The following DDX6 variants were observed in gnomAD, a reference collection of about 807,000 sequenced individuals.
DDX6 encodes DEAD-box helicase 6.
In DDX6, 7 loss-of-function variants were observed where a neutral mutation model predicts 60.6. That is an observed-to-expected ratio of 0.12 (90% CI 0.07 to 0.22). The LOEUF (loss-of-function observed/expected upper bound fraction) is 0.22, where lower values mean the gene tolerates loss of function less well. DDX6 is among the 10% of genes least tolerant of loss of function. The pLI, the probability that DDX6 is intolerant of heterozygous loss-of-function variation, is 1.00. For synonymous variants in DDX6, 207 were observed against 201.0 expected, an observed-to-expected ratio of 1.03 and a Z score of -0.25; for missense variants, 270 against 589.9, an observed-to-expected ratio of 0.46 and a Z score of 5.62.
intron 13 of DDX6, among the ~76,000 whole-genome samples, chr11:118,752,510 TG>T (rs1227757030): frequency 1.3e-5 from 2 of 152,152 alleles, no homozygotes; most frequent in Admixed American, 6.6e-5. Context: ...AGGTGGCTCC[TG>T]CCAGTAATCT....
At chr11:118,774,385 T>C (rs529790954) in intron 4 of DDX6, among the ~76,000 whole-genome samples, 2 of 152,054 alleles carry the variant, frequency 1.3e-5, no homozygotes, top group African/African-American at 4.8e-5. Flanking sequence ...GAGCAATCTG[T>C]AGTATATCTG....
At chr11:118,770,727 T>G (rs943394148) in intron 4 of DDX6, among the ~76,000 whole-genome samples, 26 of 151,794 alleles carry the variant, frequency 1.7e-4, no homozygotes, top group Non-Finnish European at 2.9e-4. Flanking sequence ...CCATCTCTGT[T>G]AAAAATACAA....
chr11:118,765,157 T>A, intron 6 of DDX6, 52 bp downstream of exon 6: 1 of 1,583,074 alleles, frequency 6.3e-7, no homozygotes, highest in Non-Finnish European at 8.6e-7. Context: ...ACTGAAATAC[T>A]TGTGACTAAA....
At chr11:118,773,982 G>C (rs1048954735) in intron 4 of DDX6, among the ~76,000 whole-genome samples, 3 of 152,068 alleles carry the variant, frequency 2.0e-5, no homozygotes, top group Non-Finnish European at 4.4e-5. Context: ...GATTCAGAAT[G>C]CTATAATTCC....
intron 1 of DDX6, 171 bp from the exon 2 acceptor site, chr11:118,786,689 C>T (rs1862085491): frequency 5.9e-6 from 1 of 168,360 alleles, no homozygotes; most frequent in Admixed American, 6.4e-5. Context: ...TTTGAACTAT[C>T]TCAAAAACAC....
At chr11:118,755,367 ACTT>A (rs1555158492) in intron 12 of DDX6, 32 bp downstream of exon 12, 1 of 1,350,930 alleles carries the variant, frequency 7.4e-7, no homozygotes, top group Admixed American at 1.7e-5. Context: ...TCAAAAAAGA[ACTT>A]CTACCAAGAA....
At chr11:118,777,084 C>G (rs1421297591) in intron 4 of DDX6, among the ~76,000 whole-genome samples, 1 of 152,062 alleles carries the variant, frequency 6.6e-6, no homozygotes, top group African/African-American at 2.4e-5. Context: ...CTAATGACTA[C>G]ATACATACGC....
intron 2 of DDX6, among the ~76,000 whole-genome samples, chr11:118,785,608 G>A (rs1205435490): frequency 6.6e-6 from 1 of 151,822 alleles, no homozygotes; most frequent in Non-Finnish European, 1.5e-5. Context: ...AGAAGGCTGG[G>A]CAAGTCTTTA....
At chr11:118,773,856 C>CAAA (rs1216921577) in intron 4 of DDX6, among the ~76,000 whole-genome samples, 1 of 146,836 alleles carries the variant, frequency 6.8e-6, no homozygotes, top group East Asian at 2.0e-4. Context: ...CAAAACAAAA[C>CAAA]ACACACCAAA....
chr11:118,782,422 A>T (rs1861929337), intron 2 of DDX6, among the ~76,000 whole-genome samples: 2 of 152,276 alleles, frequency 1.3e-5, no homozygotes, highest in African/African-American at 2.4e-5. Flanking sequence ...AAAAAAAAAA[A>T]AAGATCAGGG....
At chr11:118,757,130 AT>A in intron 10 of DDX6, 40 bp downstream of exon 10, 1 of 1,005,818 alleles carries the variant, frequency 9.9e-7, no homozygotes. Flanking sequence ...AAAGAAAGAG[AT>A]TTCTTATTAA....
chr11:118,769,985 G>A (rs1193230630), intron 4 of DDX6, among the ~76,000 whole-genome samples: 1 of 152,076 alleles, frequency 6.6e-6, no homozygotes, highest in Non-Finnish European at 1.5e-5. Flanking sequence ...TGGGATTACA[G>A]GCGTGAGCCA....
intron 9 of DDX6, among the ~76,000 whole-genome samples, chr11:118,757,934 T>C (rs1861034349): frequency 1.3e-5 from 2 of 152,102 alleles, no homozygotes; most frequent in Non-Finnish European, 2.9e-5. Context: ...GCCACCAGCA[T>C]TGGGCAGCAC....
chr11:118,772,178 T>C (rs1565571842), intron 4 of DDX6, among the ~76,000 whole-genome samples: 1 of 152,202 alleles, frequency 6.6e-6, no homozygotes, highest in Non-Finnish European at 1.5e-5. Context: ...GTTGAGATCA[T>C]TAAATCCCCT....
chr11:118,768,415 GAAATACACTGAAGGAT>G, intron 4 of DDX6, 63 bp from the exon 5 acceptor site: 1 of 1,550,932 alleles, frequency 6.4e-7, no homozygotes, highest in South Asian at 1.1e-5. Context: ...ATTCCTCTCT[GAAATACACTGAAGGAT>G]ACCTCTTTCG....
At chr11:118,753,988 T>C (rs1385200152) in intron 13 of DDX6, among the ~76,000 whole-genome samples, 3 of 151,946 alleles carry the variant, frequency 2.0e-5, no homozygotes, top group Non-Finnish European at 4.4e-5. Context: ...TCCAGCTACT[T>C]GGGAGGCTGA....
chr11:118,754,614 T>C (rs1026193354), intron 13 of DDX6, 91 bp downstream of exon 13: 9 of 1,150,844 alleles, frequency 7.8e-6, no homozygotes, highest in East Asian at 2.4e-5. Context: ...ATTGCTATTA[T>C]ATATGGTGTG....
At chr11:118,764,946 A>C (rs1861302612) in intron 6 of DDX6, among the ~76,000 whole-genome samples, 1 of 152,126 alleles carries the variant, frequency 6.6e-6, no homozygotes, top group Admixed American at 6.6e-5. Flanking sequence ...ACAAACTCAC[A>C]TTATCGTCTA....
intron 3 of DDX6, among the ~76,000 whole-genome samples, 190 bp downstream of exon 3, chr11:118,780,931 T>C (rs782613736): frequency 5.3e-5 from 8 of 152,226 alleles, no homozygotes; most frequent in Non-Finnish European, 1.0e-4. Flanking sequence ...GAGAACTAAC[T>C]GCTGAGCATT....
Sources: gnomAD v4.1 joint callset for allele counts (sites outside exome capture counted in the v4.1 genomes callset) on GRCh38, gnomAD v4.1.1 for gene constraint, MANE v1.5 for transcripts, NCBI Gene and HGNC (gene_info 2026-07-23, HGNC 2026-07-21) for gene names.